The following TRA2A variants were observed in gnomAD, a reference collection of about 807,000 sequenced individuals.
TRA2A encodes the protein transformer 2 alpha homolog.
TRA2A carries 31 observed loss-of-function variants against 45.7 expected under a neutral mutation model. That is an observed-to-expected ratio of 0.68 (90% confidence interval 0.51 to 0.92). The LOEUF (loss-of-function observed/expected upper bound fraction) is 0.92, where lower values mean the gene tolerates loss of function less well. TRA2A is among the 40% of genes least tolerant of loss of function. The pLI, the probability that TRA2A is intolerant of heterozygous loss-of-function variation, is 0.00. For missense variants in TRA2A, 304 were observed against 367.5 expected, an observed-to-expected ratio of 0.83 and a Z score of 1.41; for synonymous variants, 132 against 126.2, an observed-to-expected ratio of 1.05 and a Z score of -0.31.
At chr7:23,511,608 G>T (rs943720540) in intron 4 of TRA2A, among the ~76,000 whole-genome samples, 40 of 151,946 alleles carry the variant, frequency 2.6e-4, no homozygotes, top group African/African-American at 8.9e-4. Context: ...CCTAGGCCAG[G>T]TATGGTGGTT....
At chr7:23,517,481 A>C (rs1022055296) in intron 2 of TRA2A, among the ~76,000 whole-genome samples, 2 of 133,534 alleles carry the variant, frequency 1.5e-5, no homozygotes, top group African/African-American at 6.1e-5. Context: ...ACGTCTCAAA[A>C]AAAAAAAAAA....
At chr7:23,529,333 C>G (rs562047492) in intron 1 of TRA2A, among the ~76,000 whole-genome samples, 2 of 152,256 alleles carry the variant, frequency 1.3e-5, no homozygotes, top group East Asian at 3.9e-4. Flanking sequence ...ACTGGAGTGT[C>G]GTGGCGCAAT....
At chr7:23,521,148 T>A (rs898038825) in intron 2 of TRA2A, among the ~76,000 whole-genome samples, 21 of 152,222 alleles carry the variant, frequency 1.4e-4, no homozygotes, top group African/African-American at 4.8e-4. Context: ...AGCTCTACGC[T>A]GGACAGAGTC....
chr7:23,524,252 A>C (rs1226578921), intron 1 of TRA2A, among the ~76,000 whole-genome samples: 1 of 152,028 alleles, frequency 6.6e-6, no homozygotes, highest in Non-Finnish European at 1.5e-5. Context: ...GGTGCGATCT[A>C]GGCTCACTGC....
intron 2 of TRA2A, among the ~76,000 whole-genome samples, chr7:23,517,916 A>C (rs1450379853): frequency 6.6e-6 from 1 of 150,840 alleles, no homozygotes; most frequent in Non-Finnish European, 1.5e-5. Context: ...TGTCTCAACA[A>C]ACAAACAAAC....
chr7:23,514,231 C>A (rs1168960027), intron 3 of TRA2A, among the ~76,000 whole-genome samples: 1 of 151,938 alleles, frequency 6.6e-6, no homozygotes, highest in Non-Finnish European at 1.5e-5. Flanking sequence ...CCACCCCCAG[C>A]TAATTTTGTA....
At position 23,505,563 on chromosome 7, in the gene TRA2A, T is replaced by C. The variant is rs1475856796; in HGVS notation, c.845A>G (p.Tyr282Cys). The C allele has an allele frequency of 2.6e-6, 1 of 381,982 alleles. No homozygotes were observed. The allele number at this position is 381,982 out of a possible 1,614,324, so 23.7% of individuals were successfully genotyped here. The stretch of plus-strand genomic sequence containing the variant: ...TTAATTGCAACCATTCCGTTATCAA[T>C]AGCGTCCTAAAAGAGAAAAAGCAAA... Reference protein sequence around the residue: ...SRSRSYSPRRY With the variant: ...SRSRSYSPRRC Residue 282 changes from tyrosine to cysteine, a missense_variant, in exon 8 of 8, where the codon TAT becomes TGT. Physicochemically the swap from Tyr to Cys is radical, Grantham distance 194. Transcript: ENST00000297071.
At chr7:23,513,594 G>C (rs1375599407) in intron 3 of TRA2A, among the ~76,000 whole-genome samples, 1 of 152,034 alleles carries the variant, frequency 6.6e-6, no homozygotes, top group Non-Finnish European at 1.5e-5. Context: ...CTCCAGCCTA[G>C]GCGACAAGAG....
intron 1 of TRA2A, among the ~76,000 whole-genome samples, chr7:23,524,630 TA>T (rs759385347): frequency 2.1e-4 from 32 of 152,280 alleles, no homozygotes; most frequent in Admixed American, 3.3e-4. Flanking sequence ...ACATCTAAGC[TA>T]AAAACAGTCC....
chr7:23,511,135 G>A (rs956810232), intron 4 of TRA2A, among the ~76,000 whole-genome samples: 4 of 151,932 alleles, frequency 2.6e-5, no homozygotes, highest in Non-Finnish European at 5.9e-5. Context: ...ACCTTGGGAG[G>A]CTGAGGCGGG....
At chr7:23,511,940 A>G (rs975126438) in intron 4 of TRA2A, among the ~76,000 whole-genome samples, 1 of 152,246 alleles carries the variant, frequency 6.6e-6, no homozygotes, top group African/African-American at 2.4e-5. Flanking sequence ...CATTATAGAC[A>G]CAAAATTAAA....
chr7:23,517,477 C>CAAAAAAAAAAAAAAAAAAA lies in TRA2A; in HGVS notation c.171-968_171-950dup, dbSNP rs70954385. Among the ~76,000 whole-genome samples the CAAAAAAAAAAAAAAAAAAA allele has an allele frequency of 5.7e-4, 8 of 13,932 alleles. 1 individual carries two copies. Among genetic ancestry groups the CAAAAAAAAAAAAAAAAAAA allele is most frequent in the Admixed American group, 2.5e-3 (2 of 814 alleles). 9.1% of individuals were successfully genotyped at this position (13,932 alleles called of 152,430 possible). ...TGGGCGACAGAGCAAGACTACGTCT[C>CAAAAAAAAAAAAAAAAAAA]AAAAAAAAAAAAAAAAAAAAAAAAA... On this transcript the variant is annotated intron_variant, in intron 2 of 7. Coordinates refer to ENST00000297071, the MANE Select transcript of TRA2A (RefSeq NM_013293.5).
rs201740711 is a variant in TRA2A at position 23,521,812 on chromosome 7, G to A, written c.65C>T (p.Thr22Met). ...RESRSQSKSP[T>M]GTPARVKSES... is the part of the protein sequence containing the mutation. ...CGATTTTACACGAGCAGGAGTTCCC[G>A]TTGGAGATTTTGACTGAGAGCGAGA... The change falls in exon 2 of 8, where the codon ACG (threonine) becomes ATG (methionine). Residue 22 changes from threonine (T) to methionine (M), a missense_variant. By Grantham distance (81) the Thr-to-Met change is moderately conservative. Coordinates refer to ENST00000297071, the MANE Select transcript of TRA2A (RefSeq NM_013293.5). 12 of 1,614,088 alleles carry A rather than the reference G, an allele frequency of 7.4e-6. No homozygotes were observed. Among genetic ancestry groups the A allele is most frequent in the Admixed American group, 1.7e-5 (1 of 59,984 alleles).
chr7:23,519,297 G>C (rs556210783), intron 2 of TRA2A, among the ~76,000 whole-genome samples: 1 of 152,118 alleles, frequency 6.6e-6, no homozygotes, highest in Non-Finnish European at 1.5e-5. Flanking sequence ...GGGAGGCTGA[G>C]GCAAGAGAAT....
intron 4 of TRA2A, 116 bp from the exon 5 acceptor site, chr7:23,507,651 C>T (rs1789405467): frequency 1.3e-6 from 1 of 746,698 alleles, no homozygotes; most frequent in Non-Finnish European, 2.3e-6. Flanking sequence ...TTGAAAATGA[C>T]AGCAATGTAG....
chr7:23,531,096 T>C (rs1790562992), intron 1 of TRA2A: 1 of 365,104 alleles, frequency 2.7e-6, no homozygotes, highest in African/African-American at 2.2e-5. Flanking sequence ...CGAAGGGACA[T>C]TAAGGGAAAA....
At chr7:23,508,972 T>C (rs1469065328) in intron 4 of TRA2A, among the ~76,000 whole-genome samples, 1 of 152,124 alleles carries the variant, frequency 6.6e-6, no homozygotes, top group Admixed American at 6.6e-5. Context: ...GAGAGTATTA[T>C]TTGTTTCTGG....
chr7:23,522,122 T>C, intron 1 of TRA2A: 1 of 1,263,130 alleles, frequency 7.9e-7, no homozygotes. Flanking sequence ...AAACCATACA[T>C]TTACTTAACC....
chr7:23,523,869 G>A (rs572873968), intron 1 of TRA2A, among the ~76,000 whole-genome samples: 4 of 152,290 alleles, frequency 2.6e-5, no homozygotes, highest in East Asian at 1.9e-4. Flanking sequence ...ACTCATAAGA[G>A]TATCTTCCCC....
Sources: gnomAD v4.1 joint callset for allele counts (sites outside exome capture counted in the v4.1 genomes callset) on GRCh38, gnomAD v4.1.1 for gene constraint, MANE v1.5 for transcripts, NCBI Gene and HGNC (gene_info 2026-07-23, HGNC 2026-07-21) for gene names.